Variants in NFIB observed in about 807,000 individuals in gnomAD.
NFIB encodes nuclear factor 1 B-type.
In NFIB, 11 loss-of-function variants were observed where a neutral mutation model predicts 61.5. The observed-to-expected ratio is 0.18, with a 90% CI of 0.11 to 0.30. The LOEUF is 0.30. NFIB is among the 10% of genes least tolerant of loss of function. The pLI is 1.00. For synonymous variants in NFIB, 260 were observed against 216.5 expected, an observed-to-expected ratio of 1.20 and a Z score of -1.76; for missense variants, 471 against 608.9, an observed-to-expected ratio of 0.77 and a Z score of 2.38.
chr9:14,342,661 T>TA (rs1014766593), intron 1 of NFIB, among the ~76,000 whole-genome samples: 12 of 152,168 alleles, frequency 7.9e-5, no homozygotes, highest in Non-Finnish European at 1.3e-4. Context: ...GGGCTACACA[T>TA]AGTCACCTAG....
the NFIB span, among the ~76,000 whole-genome samples, chr9:14,453,470 T>C: frequency 0.061 from 9,355 of 152,312 alleles, 339 homozygotes; most frequent in Middle Eastern, 0.12. Context: ...ATTAAGATGC[T>C]TGAATGAAGC....
At chr9:14,173,267 A>G (rs2045776313) in intron 3 of NFIB, among the ~76,000 whole-genome samples, 1 of 152,158 alleles carries the variant, frequency 6.6e-6, no homozygotes, top group East Asian at 1.9e-4. Flanking sequence ...GATGACCCTT[A>G]TAATCATTCA....
intron 2 of NFIB, among the ~76,000 whole-genome samples, chr9:14,207,899 C>T (rs917405392): frequency 6.6e-6 from 1 of 152,060 alleles, no homozygotes; most frequent in Admixed American, 6.5e-5. Flanking sequence ...TCACACAGGG[C>T]TAAATGAGAC....
At chr9:14,509,723 C>A in the NFIB span, among the ~76,000 whole-genome samples, 2 of 152,074 alleles carry the variant, frequency 1.3e-5, no homozygotes, top group African/African-American at 4.8e-5. Context: ...AGCACCAGGA[C>A]AAAATGGAGA....
At chr9:14,414,825 C>A in the NFIB span, among the ~76,000 whole-genome samples, 1,237 of 152,148 alleles carry the variant, frequency 8.1e-3, 18 homozygotes, top group African/African-American at 0.028. Flanking sequence ...TTTTATTGAG[C>A]CTGACACTTA....
the NFIB span, among the ~76,000 whole-genome samples, chr9:14,428,527 G>A: frequency 6.6e-6 from 1 of 152,122 alleles, no homozygotes; most frequent in African/African-American, 2.4e-5. Context: ...GGTTGAGATG[G>A]TGCAGAAATA....
intron 4 of NFIB, among the ~76,000 whole-genome samples, chr9:14,155,355 C>A (rs75735029): frequency 4.0e-4 from 61 of 152,292 alleles, no homozygotes; most frequent in Non-Finnish European, 6.0e-4. Flanking sequence ...CTATATCCAA[C>A]TACAATCTGC....
chr9:14,294,917 C>T (rs778345822), intron 2 of NFIB, among the ~76,000 whole-genome samples: 1 of 152,204 alleles, frequency 6.6e-6, no homozygotes, highest in Non-Finnish European at 1.5e-5. Flanking sequence ...GTTCAGTGGC[C>T]GTAGGGAAAC....
At chr9:14,238,914 T>C (rs1487111626) in intron 2 of NFIB, among the ~76,000 whole-genome samples, 2 of 152,334 alleles carry the variant, frequency 1.3e-5, no homozygotes, top group Middle Eastern at 3.4e-3. Flanking sequence ...TCTTCCCTTC[T>C]CTGTTTTGTT....
chr9:14,312,183 G>A (rs2060311331), intron 1 of NFIB, among the ~76,000 whole-genome samples: 1 of 152,186 alleles, frequency 6.6e-6, no homozygotes, highest in African/African-American at 2.4e-5. Context: ...TCCAATCACT[G>A]AATAAGCCTT....
intron 2 of NFIB, among the ~76,000 whole-genome samples, chr9:14,231,135 A>AAAAATAT (rs55959148): frequency 5.1e-4 from 18 of 35,346 alleles, no homozygotes; most frequent in East Asian, 1.7e-3. Context: ...AAAAAAAAAA[A>AAAAATAT]ATATATATAT....
chr9:14,394,619 A>G (rs2061661383), intron 1 of NFIB, among the ~76,000 whole-genome samples: 1 of 152,136 alleles, frequency 6.6e-6, no homozygotes. Context: ...TGCCCTTAAC[A>G]AGTGGGGATT....
chr9:14,251,590 T>C (rs1199341200), intron 2 of NFIB, among the ~76,000 whole-genome samples: 1 of 152,200 alleles, frequency 6.6e-6, no homozygotes, highest in East Asian at 1.9e-4. Flanking sequence ...CTGCAAGTGG[T>C]ATCGGTGAAC....
intron 2 of NFIB, among the ~76,000 whole-genome samples, chr9:14,203,190 T>G (rs1476797232): frequency 6.6e-6 from 1 of 152,112 alleles, no homozygotes; most frequent in Non-Finnish European, 1.5e-5. Flanking sequence ...AAGCAATTGT[T>G]TCAGTTAAGC....
the NFIB span, among the ~76,000 whole-genome samples, chr9:14,443,283 G>T: frequency 1.3e-5 from 2 of 151,980 alleles, no homozygotes; most frequent in African/African-American, 2.4e-5. Flanking sequence ...TCCATCCTCA[G>T]CTATTACTTC....
intron 2 of NFIB, among the ~76,000 whole-genome samples, chr9:14,182,530 A>G (rs2046890474): frequency 6.6e-6 from 1 of 152,190 alleles, no homozygotes; most frequent in East Asian, 1.9e-4. Flanking sequence ...TGGTTGGCAG[A>G]GAAACCAAAA....
intron 2 of NFIB, chr9:14,204,536 A>C (rs2049413574): frequency 7.4e-7 from 1 of 1,347,018 alleles, no homozygotes. Context: ...TCAGCTGCTT[A>C]AGCTGCCCCA....
chr9:14,391,622 G>T (rs1455188490), intron 1 of NFIB, among the ~76,000 whole-genome samples: 1 of 152,104 alleles, frequency 6.6e-6, no homozygotes, highest in Non-Finnish European at 1.5e-5. Context: ...CCTCGAGTGA[G>T]CACACGTACA....
At chr9:14,449,054 C>CT in the NFIB span, among the ~76,000 whole-genome samples, 1 of 152,094 alleles carries the variant, frequency 6.6e-6, no homozygotes, top group Non-Finnish European at 1.5e-5. Flanking sequence ...TACCATGAAA[C>CT]TTTAAGTTCC....
Sources: gnomAD v4.1 joint callset for allele counts (sites outside exome capture counted in the v4.1 genomes callset) on GRCh38, gnomAD v4.1.1 for gene constraint, MANE v1.5 for transcripts, NCBI Gene and HGNC (gene_info 2026-07-23, HGNC 2026-07-21) for gene names.